The following POU2F1 variants were observed in gnomAD, a reference collection of about 807,000 sequenced individuals.
POU2F1 encodes POU domain, class 2, transcription factor 1.
In POU2F1, 16 loss-of-function variants were observed where a neutral mutation model predicts 84.9. The ratio of observed to expected loss-of-function variants is 0.19; its 90% CI spans 0.13 to 0.29. The LOEUF is 0.29. Ranked by LOEUF, POU2F1 falls within the 10% of genes least tolerant of loss-of-function variation. POU2F1 has a pLI of 1.00. For synonymous variants in POU2F1, 368 were observed against 368.3 expected, an observed-to-expected ratio of 1.00 and a Z score of 0.01; for missense variants, 738 against 942.6, an observed-to-expected ratio of 0.78 and a Z score of 2.84.
intron 1 of POU2F1, among the ~76,000 whole-genome samples, chr1:167,242,604 C>T (rs1354415461): frequency 6.6e-6 from 1 of 152,210 alleles, no homozygotes; most frequent in Admixed American, 6.5e-5. Context: ...TGTATGCTTT[C>T]TTCCATGGCA....
intron 1 of POU2F1, among the ~76,000 whole-genome samples, chr1:167,296,346 T>C (rs1654290008): frequency 6.6e-6 from 1 of 152,216 alleles, no homozygotes; most frequent in Non-Finnish European, 1.5e-5. Context: ...TTAATATCAA[T>C]ATTGTAATTC....
chr1:167,406,961 C>T (rs1649619703), intron 13 of POU2F1, among the ~76,000 whole-genome samples: 2 of 151,794 alleles, frequency 1.3e-5, no homozygotes, highest in African/African-American at 2.4e-5. Context: ...ATGTGCATCT[C>T]TCTTTCTCTC....
chr1:167,299,697 T>TTTTTTTTTTTTG (rs1415816388), intron 1 of POU2F1, among the ~76,000 whole-genome samples: 2 of 149,654 alleles, frequency 1.3e-5, no homozygotes, highest in African/African-American at 4.9e-5. Context: ...AGACCAGAGT[T>TTTTTTTTTTTTG]TTTTTTTTTT....
chr1:167,305,548 G>A (rs564191744), intron 1 of POU2F1, among the ~76,000 whole-genome samples: 1 of 152,086 alleles, frequency 6.6e-6, no homozygotes, highest in Admixed American at 6.6e-5. Flanking sequence ...TCATGTAACC[G>A]TTTATTCCTG....
At chr1:167,407,108 G>A (rs1490129023) in intron 13 of POU2F1, among the ~76,000 whole-genome samples, 1 of 151,740 alleles carries the variant, frequency 6.6e-6, no homozygotes, top group Admixed American at 6.6e-5. Flanking sequence ...ACATTTCACT[G>A]CAGCCTCAAC....
In POU2F1 at chr1:167,368,686, A is replaced by G. The variant is rs549696075; in HGVS notation, c.229-1475A>G. 4.6e-5 allele frequency among the ~76,000 whole-genome samples: 7 copies of G among 152,226 alleles called. No individual in the cohort carries two copies. In the South Asian group the frequency reaches 1.0e-3, roughly 23 times the overall value. On this transcript the variant is annotated intron_variant, in intron 3 of 15. Coordinates refer to ENST00000367866, the MANE Select transcript of POU2F1 (RefSeq NM_002697.4). ...CTCTCCTGATTACACTGTATTTTAA[A>G]TGTGTTCTACATATGTCTTCAGATT...
chr1:167,324,145 A>G (rs1299138677), intron 1 of POU2F1, among the ~76,000 whole-genome samples: 1 of 152,246 alleles, frequency 6.6e-6, no homozygotes, highest in Non-Finnish European at 1.5e-5. Context: ...AGAGAGCTAT[A>G]AAATAGTAGG....
intron 1 of POU2F1, among the ~76,000 whole-genome samples, chr1:167,292,507 A>G (rs1237859738): frequency 4.0e-5 from 6 of 151,674 alleles, no homozygotes; most frequent in African/African-American, 1.4e-4. Context: ...ACTTGCCAAC[A>G]AAAAAAGTCC....
chr1:167,221,313 C>CGCGGCGGGGCGGCGGG (rs903548008), intron 1 of POU2F1, among the ~76,000 whole-genome samples: 1 of 150,818 alleles, frequency 6.6e-6, no homozygotes, highest in South Asian at 2.1e-4. Context: ...CGAGCGGGTC[C>CGCGGCGGGGCGGCGGG]GCGGCGGGGC....
chr1:167,385,783 T>TA (rs1393135545), intron 8 of POU2F1, among the ~76,000 whole-genome samples: 1 of 152,094 alleles, frequency 6.6e-6, no homozygotes, highest in Non-Finnish European at 1.5e-5. Context: ...TTTAATTTCA[T>TA]AAAAATCAAA....
intron 2 of POU2F1, among the ~76,000 whole-genome samples, chr1:167,359,643 C>A (rs1460131944): frequency 6.6e-6 from 1 of 152,150 alleles, no homozygotes; most frequent in Non-Finnish European, 1.5e-5. Flanking sequence ...GATAAACATG[C>A]AAATGCAGGT....
intron 1 of POU2F1, among the ~76,000 whole-genome samples, chr1:167,245,032 G>A (rs916102582): frequency 2.0e-5 from 3 of 152,046 alleles, no homozygotes; most frequent in African/African-American, 7.3e-5. Context: ...AAAATAAAAG[G>A]TCTGAGAGAG....
intron 1 of POU2F1, among the ~76,000 whole-genome samples, chr1:167,322,282 A>G (rs1656367091): frequency 6.6e-6 from 1 of 152,190 alleles, no homozygotes. Context: ...GAGCTATGCT[A>G]TATGCTCTCC....
intron 2 of POU2F1, among the ~76,000 whole-genome samples, chr1:167,361,527 T>C (rs1330869466): frequency 6.6e-6 from 1 of 152,200 alleles, no homozygotes; most frequent in Non-Finnish European, 1.5e-5. Context: ...AAAGCCCACT[T>C]GATCATGGGG....
chr1:167,313,033 A>G (rs535225071), intron 1 of POU2F1, among the ~76,000 whole-genome samples: 2 of 152,308 alleles, frequency 1.3e-5, no homozygotes, highest in East Asian at 3.9e-4. Flanking sequence ...ATGTTCACAC[A>G]GTGATGAAAC....
At chr1:167,237,507 C>T (rs1415082390) in intron 1 of POU2F1, among the ~76,000 whole-genome samples, 1 of 151,670 alleles carries the variant, frequency 6.6e-6, no homozygotes, top group Non-Finnish European at 1.5e-5. Context: ...TTATTTTTAC[C>T]ATTTTGAGTG....
intron 13 of POU2F1, among the ~76,000 whole-genome samples, chr1:167,405,112 G>A (rs76957481): frequency 0.025 from 3,858 of 152,178 alleles, 159 homozygotes; most frequent in African/African-American, 0.086. Flanking sequence ...AGAAAGACGA[G>A]TGTTCCATTG....
At chr1:167,282,103 A>G (rs373601461) in intron 1 of POU2F1, among the ~76,000 whole-genome samples, 5 of 150,814 alleles carry the variant, frequency 3.3e-5, no homozygotes, top group South Asian at 2.1e-4. Flanking sequence ...CCTCAAATCT[A>G]TATTCATACT....
intron 2 of POU2F1, among the ~76,000 whole-genome samples, chr1:167,346,958 CACAA>C (rs1658246205): frequency 6.6e-6 from 1 of 152,204 alleles, no homozygotes; most frequent in Non-Finnish European, 1.5e-5. Context: ...ACGCTCTCCA[CACAA>C]ACAATCTAAA....
Sources: gnomAD v4.1 joint callset for allele counts (sites outside exome capture counted in the v4.1 genomes callset) on GRCh38, gnomAD v4.1.1 for gene constraint, MANE v1.5 for transcripts, NCBI Gene and HGNC (gene_info 2026-07-23, HGNC 2026-07-21) for gene names.